ATP2A3: variants seen among roughly 807,000 people sequenced by gnomAD.
The protein encoded by ATP2A3 is sarcoplasmic/endoplasmic reticulum calcium ATPase 3.
In ATP2A3, 61 loss-of-function variants were observed where a neutral mutation model predicts 106.8. The ratio of observed to expected loss-of-function variants is 0.57; its 90% CI spans 0.46 to 0.71. The LOEUF (loss-of-function observed/expected upper bound fraction) is 0.71. ATP2A3 is among the 30% of genes least tolerant of loss of function. ATP2A3 has a pLI of 0.00. For synonymous variants in ATP2A3, 611 were observed against 609.3 expected (o/e 1.00, Z -0.04); for missense variants, 1,201 against 1,423.5 (o/e 0.84, Z 2.52).
chr17:3,951,552 C>CCCCCCCGG, intron 4 of ATP2A3, 29 bp downstream of exon 4: 1 of 1,365,894 alleles, frequency 7.3e-7, no homozygotes, highest in Non-Finnish European at 1.0e-6. Context: ...GACCGCCCCC[C>CCCCCCCGG]GCCCGGTCCC....
Position 3,953,173 on chromosome 17 carries a change from A to G in ATP2A3, c.219+174T>C. On this transcript the variant is annotated intron_variant, in intron 3 of 20. Transcript: ENST00000397041. The surrounding 1 kb of genome is among the most constrained non-coding windows in gnomAD (Gnocchi z 5.1). ...CCGGGGACCCAATGTAGGGGCCATG[A>G]GGGTTCAGGCAAGGGAAGCTGAAGT... The G allele has an allele frequency of 2.8e-6, 2 of 724,234 alleles. No homozygotes were observed. Among genetic ancestry groups the G allele is most frequent in the Non-Finnish European group, 4.9e-6 (2 of 410,224 alleles). 44.9% of individuals were successfully genotyped at this position (724,234 alleles called of 1,614,324 possible).
At chr17:3,949,814 G>T (rs2054312965) in intron 7 of ATP2A3, among the ~76,000 whole-genome samples, 1 of 152,166 alleles carries the variant, frequency 6.6e-6, no homozygotes, top group South Asian at 2.1e-4. Flanking sequence ...CTATAAATTT[G>T]CATGTATTGT....
Position 3,929,527 on chromosome 17 carries a change from C to A in ATP2A3, c.2745-82G>T. ...ACCCACCCCCATGGGAGGAGCCTCA[C>A]CACTTCTCTAGCGGTGCATTGCTGT... On this transcript the variant is annotated intron_variant, in intron 18 of 20. Transcript: ENST00000397041. This position sits in a 1 kb window ranked among gnomAD's most constrained non-coding sequence, Gnocchi z 4.3. 8.2e-7 allele frequency: 1 copy of A among 1,219,310 alleles called. No individual in the cohort carries two copies. The highest frequency in any genetic ancestry group is 2.7e-4 in the Middle Eastern group (1 of 3,752). The allele number at this position is 1,219,310 out of a possible 1,614,324, so 75.5% of individuals were successfully genotyped here. A position where few individuals can be genotyped will look rare whatever the true frequency, so the allele number is the denominator to read the frequency against.
rs185226397 is a variant in ATP2A3 at position 3,926,278 on chromosome 17, C to T, written c.2981-837G>A. On this transcript the variant is annotated intron_variant, in intron 20 of 20. Coordinates refer to ENST00000397041, the MANE Select transcript of ATP2A3 (RefSeq NM_005173.4). The surrounding 1 kb of genome is among the most constrained non-coding windows in gnomAD (Gnocchi z 4.6). ...GCGCAAAGGGTCCCTCTCTCACCCC[C>T]GCCCCGTCTGGCTTTAGGAGGCCCC... Among the ~76,000 whole-genome samples the T allele has an allele frequency of 4.1e-3, 629 of 152,318 alleles. 4 individuals carry two copies. Among genetic ancestry groups the T allele is most frequent in the African/African-American group, 0.012 (515 of 41,558 alleles).
intron 11 of ATP2A3, 28 bp from the exon 12 acceptor site, chr17:3,942,759 G>A (rs779176340): frequency 6.2e-7 from 1 of 1,609,944 alleles, no homozygotes; most frequent in Non-Finnish European, 8.5e-7. Context: ...GTCAGGGCAT[G>A]AAGGACAGAG....
rs1167124184 is a variant in ATP2A3 at position 3,925,432 on chromosome 17, C to G, written c.2990G>C (p.Ser997Thr). The stretch of plus-strand genomic sequence containing the variant: ...CTCTGTTCCCAGCGCTCACTTCTGG[C>G]TCATTTCTTCTGGAAGAAAAACCCA... ...LSRNHMHEEM[S>T]QK The change falls in exon 21 of 21, where the codon AGC becomes ACC. Residue 997 changes from serine to threonine, a missense_variant. Physicochemically the swap from Ser to Thr is moderately conservative, Grantham distance 58. This residue lies in a region of ATP2A3 where 935 missense variants were observed against 1,176.7 expected (regional missense o/e 0.79). Coordinates refer to ENST00000397041, the MANE Select transcript of ATP2A3 (RefSeq NM_005173.4). The surrounding 1 kb of genome is among the most constrained non-coding windows in gnomAD (Gnocchi z 4.2). The G allele has an allele frequency of 2.5e-6, 4 of 1,613,670 alleles. No homozygotes were observed.
rs1597699554 is a variant in ATP2A3 at position 3,964,363 on chromosome 17, G to A, written c.-72C>T. The A allele has an allele frequency of 1.1e-6, 1 of 905,476 alleles. No homozygotes were observed. Among genetic ancestry groups the A allele is most frequent in the Non-Finnish European group, 1.4e-6 (1 of 730,830 alleles). 56.1% of individuals were successfully genotyped at this position (905,476 alleles called of 1,614,324 possible). On this transcript the variant is annotated 5_prime_UTR_variant, in exon 1 of 21. Transcript: ENST00000397041. ...CTCCGCCGGGGGGCTACAAAGCGGG[G>A]CGCGGGGGACTCGGGCCCGGGCGGG...
intron 11 of ATP2A3, 44 bp downstream of exon 11, chr17:3,943,346 GC>G: frequency 1.2e-6 from 2 of 1,609,508 alleles, no homozygotes; most frequent in Admixed American, 1.7e-5. Context: ...TGTCCCAGAA[GC>G]CCCAGCCATG....
At chr17:3,957,797 T>A (rs1405120613) in intron 1 of ATP2A3, among the ~76,000 whole-genome samples, 1 of 152,198 alleles carries the variant, frequency 6.6e-6, no homozygotes, top group African/African-American at 2.4e-5. Flanking sequence ...GTGCCAGATG[T>A]CCTATCTGTT....
Position 3,936,640 on chromosome 17 carries a change from C to G in ATP2A3, c.2322-171G>C, listed in dbSNP as rs539381322. 75 of 722,184 alleles carry G rather than the reference C, an allele frequency of 1.0e-4. No individual in the cohort carries two copies. Among genetic ancestry groups the G allele is most frequent in the Non-Finnish European group, 1.6e-4 (66 of 417,656 alleles). The allele number at this position is 722,184 out of a possible 1,614,324, so 44.7% of individuals were successfully genotyped here. On this transcript the variant is annotated intron_variant, in intron 15 of 20. Transcript: ENST00000397041. The surrounding 1 kb of genome is among the most constrained non-coding windows in gnomAD (Gnocchi z 5.4). ...AGGGTGTGTGTACACAGCTCTGCCT[C>G]GGGCCTGGCCAGTCCTGCCTTCCCC...
Position 3,943,282 on chromosome 17 carries a change from A to C in ATP2A3, c.1419+109T>G, listed in dbSNP as rs1275600306. ...ATGAGACTCCGTCTCAAAAAAAAAAAAAAACAAAACGAAACAAAACAAAAA... is the reference window on the plus strand; with the variant it reads ...ATGAGACTCCGTCTCAAAAAAAAAACAAAACAAAACGAAACAAAACAAAAA... On this transcript the variant is annotated intron_variant, in intron 11 of 20. Coordinates refer to ENST00000397041, the MANE Select transcript of ATP2A3 (RefSeq NM_005173.4). 79 of 1,525,962 alleles carry C rather than the reference A, an allele frequency of 5.2e-5. No homozygotes were observed. The East Asian group carries it at 8.4e-4, about 16-fold the overall frequency. 94.5% of individuals were successfully genotyped at this position (1,525,962 alleles called of 1,614,324 possible). A position where few individuals can be genotyped will look rare whatever the true frequency, so the allele number is the denominator to read the frequency against.
At chr17:3,950,833 C>G in intron 5 of ATP2A3, 60 bp from the exon 6 acceptor site, 1 of 1,538,048 alleles carries the variant, frequency 6.5e-7, no homozygotes, top group Admixed American at 1.8e-5. Flanking sequence ...TGGGAAAAGC[C>G]AGAAGGGTTC....
chr17:3,954,497 A>G (rs1002603635), intron 1 of ATP2A3, among the ~76,000 whole-genome samples: 26 of 129,770 alleles, frequency 2.0e-4, no homozygotes, highest in Admixed American at 1.6e-3. Flanking sequence ...TGAGGTGCTG[A>G]TTTTTTTTTT....
chr17:3,961,656 G>A (rs1311633527), intron 1 of ATP2A3, among the ~76,000 whole-genome samples: 1 of 152,088 alleles, frequency 6.6e-6, no homozygotes, highest in African/African-American at 2.4e-5. Flanking sequence ...CTGGGGTGGG[G>A]AGAACACATG....
Position 3,936,611 on chromosome 17 carries a change from G to T in ATP2A3, c.2322-142C>A. On this transcript the variant is annotated intron_variant, in intron 15 of 20. Coordinates refer to ENST00000397041, the MANE Select transcript of ATP2A3 (RefSeq NM_005173.4). This position sits in a 1 kb window ranked among gnomAD's most constrained non-coding sequence, Gnocchi z 5.4. ...CCCTCCTCCCTCCGCCAGCTGTGAT[G>T]TGAAGGGTGTGTGTACACAGCTCTG... 1 of 865,570 alleles carries T rather than the reference G, an allele frequency of 1.2e-6. No homozygotes were observed. The highest frequency in any genetic ancestry group is 1.9e-6 in the Non-Finnish European group (1 of 530,026). 53.6% of individuals were successfully genotyped at this position (865,570 alleles called of 1,614,324 possible).
chr17:3,951,168 A>G, intron 5 of ATP2A3, 83 bp downstream of exon 5: 1 of 1,127,104 alleles, frequency 8.9e-7, no homozygotes, highest in Non-Finnish European at 1.1e-6. Flanking sequence ...GCACGACTCC[A>G]TCTCAAAAAA....
In ATP2A3 at chr17:3,953,512, C is replaced by T. The variant is rs967142611; in HGVS notation, c.137-83G>A. 26 of 1,535,700 alleles carry T rather than the reference C, an allele frequency of 1.7e-5. No homozygotes were observed. The highest frequency in any genetic ancestry group is 1.7e-4 in the Middle Eastern group (1 of 5,930). ...AGCTGGGATGGCCCGGGAGACCTCC[C>T]GGCCCATTCCCTCCCTGCACTCAGA... On this transcript the variant is annotated intron_variant, in intron 2 of 20. Coordinates refer to ENST00000397041, the MANE Select transcript of ATP2A3 (RefSeq NM_005173.4). This position sits in a 1 kb window ranked among gnomAD's most constrained non-coding sequence, Gnocchi z 5.1.
At position 3,929,459 on chromosome 17, in the gene ATP2A3, G is replaced by A. The variant is rs765550810; in HGVS notation, c.2745-14C>T. The A allele has an allele frequency of 1.9e-6, 3 of 1,584,320 alleles. No individual in the cohort carries two copies. Among genetic ancestry groups the A allele is most frequent in the South Asian group, 2.3e-5 (2 of 87,020 alleles). On this transcript the variant is annotated splice_polypyrimidine_tract_variant and intron_variant, in intron 18 of 20. Transcript: ENST00000397041. The surrounding 1 kb of genome is among the most constrained non-coding windows in gnomAD (Gnocchi z 4.3). Reference sequence around the variant, plus strand: ...TTCTCCGAGACGCTGCCAGGGCACAGGGTGCTCCCCTTAGGCCGGGGTGCA... The same window carrying A: ...TTCTCCGAGACGCTGCCAGGGCACAAGGTGCTCCCCTTAGGCCGGGGTGCA...
chr17:3,950,207 G>T (rs2054335980), intron 7 of ATP2A3, among the ~76,000 whole-genome samples: 2 of 150,822 alleles, frequency 1.3e-5, no homozygotes, highest in Non-Finnish European at 3.0e-5. Context: ...CGTCACCCAG[G>T]CTGGAGTGCA....
Sources: gnomAD v4.1 joint callset for allele counts (sites outside exome capture counted in the v4.1 genomes callset) on GRCh38, gnomAD v4.1.1 for gene constraint, gnomAD v4.1.1 regional missense constraint, Gnocchi (gnomAD v3.1) non-coding constraint, MANE v1.5 for transcripts, NCBI Gene and HGNC (gene_info 2026-07-23, HGNC 2026-07-21) for gene names.